The following POLR3B variants were observed in gnomAD, a reference collection of about 807,000 sequenced individuals.
The protein encoded by POLR3B is RNA polymerase III subunit B.
Under a neutral mutation model 147.4 loss-of-function variants are expected in POLR3B, and 96 were observed. That is an observed-to-expected ratio of 0.65 (90% CI 0.55 to 0.77). The LOEUF is 0.77. POLR3B is among the 30% of genes least tolerant of loss of function. The pLI, the probability that POLR3B is intolerant of heterozygous loss-of-function variation, is 0.00. For missense variants in POLR3B, 1,036 were observed against 1,413.5 expected (o/e 0.73, Z 4.28); for synonymous variants, 461 against 485.9 (o/e 0.95, Z 0.67).
chr12:106,474,171 T>C (rs1214468460), intron 23 of POLR3B, among the ~76,000 whole-genome samples: 2 of 122,352 alleles, frequency 1.6e-5, no homozygotes, highest in Non-Finnish European at 3.4e-5. Flanking sequence ...TTACATTTAT[T>C]GATTTGCGTA....
chr12:106,469,200 C>T (rs2038052522), intron 23 of POLR3B, among the ~76,000 whole-genome samples: 1 of 151,044 alleles, frequency 6.6e-6, no homozygotes, highest in African/African-American at 2.4e-5. Context: ...ATGTAATGGT[C>T]TTCTTAGTCT....
Position 106,477,107 on chromosome 12 carries a change from G to T in POLR3B, c.2713+13487G>T, listed in dbSNP as rs1282158008. ...TAACAGACAGGACCCTCAGCTGCAG[G>T]TCTGTTGGAATACCCTGCCTTGTGA... On this transcript the variant is annotated intron_variant, in intron 23 of 27. Transcript: ENST00000228347. Among the ~76,000 whole-genome samples the T allele has an allele frequency of 2.8e-5, 4 of 143,400 alleles. No individual in the cohort carries two copies. The East Asian group carries it at 7.9e-4, about 28-fold the overall frequency. 94.1% of individuals were successfully genotyped at this position (143,400 alleles called of 152,430 possible).
At chr12:106,396,596 CA>C in intron 10 of POLR3B, among the ~76,000 whole-genome samples, 1 of 152,044 alleles carries the variant, frequency 6.6e-6, no homozygotes, top group Non-Finnish European at 1.5e-5. Context: ...TTAAAATATG[CA>C]ATCCTGAATG....
chr12:106,505,168 A>G (rs981322153), intron 27 of POLR3B, among the ~76,000 whole-genome samples: 4 of 152,238 alleles, frequency 2.6e-5, no homozygotes, highest in African/African-American at 7.2e-5. Flanking sequence ...CACCTTTCCT[A>G]TTTGTAATGA....
chr12:106,410,608 T>C, intron 11 of POLR3B: 2 of 565,552 alleles, frequency 3.5e-6, no homozygotes, highest in Admixed American at 3.0e-5. Context: ...TGTAGTCATC[T>C]TTGACACAGA....
intron 23 of POLR3B, among the ~76,000 whole-genome samples, chr12:106,465,955 T>C (rs751845403): frequency 5.3e-5 from 8 of 152,230 alleles, no homozygotes; most frequent in Non-Finnish European, 8.8e-5. Context: ...TAGAATGATT[T>C]GTAATCCTTT....
intron 19 of POLR3B, among the ~76,000 whole-genome samples, chr12:106,448,944 T>C (rs2037761686): frequency 6.6e-6 from 1 of 152,118 alleles, no homozygotes. Flanking sequence ...CCATTGTGGA[T>C]CACGATCAGG....
Position 106,393,150 on chromosome 12 carries a change from G to T in POLR3B, c.843G>T (p.Met281Ile), listed in dbSNP as rs1029513838. The T allele has an allele frequency of 1.9e-5, 30 of 1,614,146 alleles. No individual in the cohort carries two copies. Among genetic ancestry groups the T allele is most frequent in the Non-Finnish European group, 2.5e-5 (29 of 1,180,006 alleles). ...ECQKAQIFTQ[M>I]QALKYIGNKV... ...AGAAAGCTCAGATTTTCACACAGAT[G>T]CAGGTGTGTCTTTTCATGTTGTCCT... Residue 281 changes from methionine (M) to isoleucine (I), a missense_variant, in exon 10 of 28, where the codon ATG becomes ATT. Coordinates refer to ENST00000228347, the MANE Select transcript of POLR3B (RefSeq NM_018082.6).
intron 9 of POLR3B, among the ~76,000 whole-genome samples, chr12:106,391,766 G>A (rs2036917751): frequency 6.6e-6 from 1 of 152,192 alleles, no homozygotes; most frequent in Admixed American, 6.5e-5. Flanking sequence ...TTAGATAGAT[G>A]CCCCTGTTGT....
At chr12:106,435,202 A>C (rs914778555) in intron 16 of POLR3B, among the ~76,000 whole-genome samples, 2 of 151,010 alleles carry the variant, frequency 1.3e-5, no homozygotes, top group Non-Finnish European at 2.9e-5. Flanking sequence ...ATCTTGAGTC[A>C]CTGCAGCCTC....
At chr12:106,472,619 A>G (rs372920540) in intron 23 of POLR3B, among the ~76,000 whole-genome samples, 13 of 150,208 alleles carry the variant, frequency 8.7e-5, no homozygotes, top group African/African-American at 3.2e-4. Context: ...GCCAGTGATG[A>G]TGAGCATTTT....
At position 106,372,794 on chromosome 12, in the gene POLR3B, G is replaced by C. The variant is rs1235058656; in HGVS notation, c.404+3111G>C. On this transcript the variant is annotated intron_variant, in intron 6 of 27. Coordinates refer to ENST00000228347, the MANE Select transcript of POLR3B (RefSeq NM_018082.6). ...CTTCGTCTTCCAATTTTTCCTTCTT[G>C]TTTTTAATTATCTTTTTGGTTACTG... Among the ~76,000 whole-genome samples the C allele has an allele frequency of 4.6e-5, 7 of 151,900 alleles. No individual in the cohort carries two copies. The East Asian group carries it at 1.4e-3, about 29-fold the overall frequency.
intron 18 of POLR3B, among the ~76,000 whole-genome samples, chr12:106,441,583 A>G (rs1254041289): frequency 2.0e-5 from 3 of 152,212 alleles, no homozygotes; most frequent in African/African-American, 7.2e-5. Flanking sequence ...TTGTTGACCA[A>G]AATGTTATGT....
intron 25 of POLR3B, among the ~76,000 whole-genome samples, chr12:106,498,548 T>C (rs974930614): frequency 1.3e-5 from 2 of 152,096 alleles, no homozygotes; most frequent in Admixed American, 6.6e-5. Context: ...GTTTTTTGTT[T>C]GGTTTTGGGA....
intron 10 of POLR3B, among the ~76,000 whole-genome samples, chr12:106,400,860 A>T (rs1181863009): frequency 6.6e-6 from 1 of 152,356 alleles, no homozygotes; most frequent in East Asian, 1.9e-4. Context: ...CTAAATGCCC[A>T]CTAGAGAAAG....
chr12:106,454,538 C>T lies in POLR3B; in HGVS notation c.2120C>T (p.Thr707Ile), dbSNP rs1240185681. Residue 707 changes from threonine (T) to isoleucine (I), a missense_variant, in exon 20 of 28, where the codon ACT becomes ATT. Thr to Ile is a moderately conservative substitution (Grantham distance 89). Around this residue, in one of 12 missense-constraint regions of POLR3B, gnomAD observed 202 missense variants for 272.8 expected, o/e 0.74. Coordinates refer to ENST00000228347, the MANE Select transcript of POLR3B (RefSeq NM_018082.6). ...IGYNQRNRID[T>I]LMYLLAYPQK... ...TACAACCAGCGAAACAGAATTGATA[C>T]TCTCATGTATCTACTAGCATATCCA... 1 of 1,604,730 alleles carries T rather than the reference C, an allele frequency of 6.2e-7. No homozygotes were observed. The highest frequency in any genetic ancestry group is 1.1e-5 in the South Asian group (1 of 90,922).
intron 9 of POLR3B, among the ~76,000 whole-genome samples, chr12:106,383,837 G>A (rs188521825): frequency 6.6e-6 from 1 of 151,998 alleles, no homozygotes; most frequent in Non-Finnish European, 1.5e-5. Context: ...AATTAGCCGG[G>A]TGTGGTGGCG....
chr12:106,463,574 GCGT>G lies in POLR3B; in HGVS notation c.2669_2671del (p.Arg890del). The G allele has an allele frequency of 6.2e-7, 1 of 1,613,680 alleles. No individual in the cohort carries two copies. Among genetic ancestry groups the G allele is most frequent in the African/African-American group, 1.3e-5 (1 of 75,028 alleles). ...TCAAAATGCTGCTGAGACAGACAAG[GCGT>G]CCAGAAATTGGAGACAAATTCAGCA... On this transcript the variant is annotated inframe_deletion, in exon 23 of 28. Transcript: ENST00000228347.
Position 106,444,591 on chromosome 12 carries a change from G to A in POLR3B, c.2083+1G>A, listed in dbSNP as rs7133068. The A allele has an allele frequency of 1.2e-6, 2 of 1,613,460 alleles. No individual in the cohort carries two copies. Among genetic ancestry groups the A allele is most frequent in the Non-Finnish European group, 1.7e-6 (2 of 1,179,746 alleles). On this transcript the variant is annotated splice_donor_variant, in intron 19 of 27. Coordinates refer to ENST00000228347, the MANE Select transcript of POLR3B (RefSeq NM_018082.6). LOFTEE classifies it high-confidence loss of function. ...TGTGCCATGGGGAAACAAGCCATGG[G>A]TAAGATTTCCTTCTTGAAAGTTGGT...
Sources: allele counts gnomAD v4.1 joint callset (sites outside exome capture counted in the v4.1 genomes callset), GRCh38; gene constraint gnomAD v4.1.1; regional missense constraint gnomAD v4.1.1; transcripts MANE v1.5; gene names NCBI Gene and HGNC (gene_info 2026-07-23, HGNC 2026-07-21).